The following MRS2 variants were observed in gnomAD, a reference collection of about 807,000 sequenced individuals.
The protein encoded by MRS2 is magnesium transporter MRS2 homolog, mitochondrial.
In MRS2, 40 loss-of-function variants were observed where a neutral mutation model predicts 52.6. The ratio of observed to expected loss-of-function variants is 0.76; its 90% confidence interval spans 0.59 to 0.99. The LOEUF (loss-of-function observed/expected upper bound fraction) is 0.99. MRS2 is among the 50% of genes least tolerant of loss of function. The pLI is 0.00. For synonymous variants in MRS2, 193 were observed against 195.9 expected (o/e 0.98, Z 0.13); for missense variants, 472 against 532.7 (o/e 0.89, Z 1.12).
intron 9 of MRS2, among the ~76,000 whole-genome samples, chr6:24,420,483 G>GT (rs1049454429): frequency 2.6e-5 from 4 of 152,092 alleles, no homozygotes; most frequent in African/African-American, 7.2e-5. Flanking sequence ...TCACAAATAC[G>GT]TTTTTTTATT....
chr6:24,411,666 G>A (rs1281721015), intron 4 of MRS2, among the ~76,000 whole-genome samples: 2 of 152,158 alleles, frequency 1.3e-5, no homozygotes, highest in Non-Finnish European at 1.5e-5. Context: ...AGCCTCTGAA[G>A]TAGCTGGGAC....
chr6:24,418,625 A>G (rs202118441), intron 9 of MRS2, 47 bp downstream of exon 9: 1 of 1,403,568 alleles, frequency 7.1e-7, no homozygotes, highest in South Asian at 1.2e-5. Context: ...TTGGCCGGGC[A>G]TGGTGGCTCA....
chr6:24,412,163 A>G (rs1240254152), intron 4 of MRS2, 59 bp from the exon 5 acceptor site: 2 of 970,488 alleles, frequency 2.1e-6, no homozygotes, highest in African/African-American at 1.7e-5. Flanking sequence ...ATGTATATAC[A>G]TGCATGTGTG....
intron 3 of MRS2, 107 bp from the exon 4 acceptor site, chr6:24,409,354 G>C (rs1033783703): frequency 2.6e-5 from 15 of 575,404 alleles, no homozygotes; most frequent in African/African-American, 1.9e-4. Flanking sequence ...TTTGTTTCTG[G>C]TAGTAACCAA....
chr6:24,415,431 T>C (rs1761816845), intron 6 of MRS2, among the ~76,000 whole-genome samples: 2 of 152,184 alleles, frequency 1.3e-5, no homozygotes, highest in Non-Finnish European at 2.9e-5. Flanking sequence ...GAGGTTTGAG[T>C]AACTTGCCTA....
At chr6:24,411,121 T>C (rs1272156256) in intron 4 of MRS2, among the ~76,000 whole-genome samples, 1 of 148,930 alleles carries the variant, frequency 6.7e-6, no homozygotes, top group African/African-American at 2.5e-5. Flanking sequence ...ACCCTGAAGG[T>C]GGAGGTTGCA....
intron 7 of MRS2, 66 bp downstream of exon 7, chr6:24,416,579 AG>A (rs1273222189): frequency 1.2e-6 from 1 of 859,460 alleles, no homozygotes; most frequent in Admixed American, 2.3e-5. Context: ...TTCCACTTCA[AG>A]GTGATTTTTC....
intron 3 of MRS2, among the ~76,000 whole-genome samples, chr6:24,408,789 T>C (rs1761559175): frequency 6.6e-6 from 1 of 152,208 alleles, no homozygotes; most frequent in Non-Finnish European, 1.5e-5. Context: ...CCCTCATTCA[T>C]TCTCCTGAAG....
chr6:24,404,552 T>G (rs1013924597), intron 1 of MRS2, among the ~76,000 whole-genome samples: 1 of 152,200 alleles, frequency 6.6e-6, no homozygotes, highest in African/African-American at 2.4e-5. Context: ...TAAATGTACT[T>G]GATTATACTT....
At chr6:24,410,447 G>T (rs373786717) in intron 4 of MRS2, among the ~76,000 whole-genome samples, 1 of 152,160 alleles carries the variant, frequency 6.6e-6, no homozygotes, top group African/African-American at 2.4e-5. Flanking sequence ...GAATGGTATT[G>T]GCCCTGTAGT....
chr6:24,422,161 AAG>A (rs202008409), intron 9 of MRS2, among the ~76,000 whole-genome samples: 18,628 of 152,190 alleles, frequency 0.12, 1,462 homozygotes, highest in East Asian at 0.16. Flanking sequence ...CAACAACAAA[AAG>A]AGGAGGCAGA....
At chr6:24,415,264 C>G (rs1761808889) in intron 6 of MRS2, 101 bp downstream of exon 6, 2 of 1,262,556 alleles carry the variant, frequency 1.6e-6, no homozygotes, top group Admixed American at 2.3e-5. Flanking sequence ...ATGAAAGTAG[C>G]CTAGGTGGGA....
chr6:24,413,217 G>A (rs139540856), intron 5 of MRS2, among the ~76,000 whole-genome samples: 63 of 152,076 alleles, frequency 4.1e-4, no homozygotes, highest in African/African-American at 1.5e-3. Flanking sequence ...AGCTCATGCT[G>A]TTAGGAGAAA....
At chr6:24,421,682 T>A (rs1762046743) in intron 9 of MRS2, among the ~76,000 whole-genome samples, 2 of 152,226 alleles carry the variant, frequency 1.3e-5, no homozygotes, top group Non-Finnish European at 2.9e-5. Flanking sequence ...CCTTTACTCC[T>A]AAATGTCTTA....
rs371897465 is a variant in MRS2 at position 24,405,227 on chromosome 6, C to T, written c.250C>T (p.Pro84Ser). 7 of 1,612,484 alleles carry T rather than the reference C, an allele frequency of 4.3e-6. No individual in the cohort carries two copies. In the African/African-American group the frequency reaches 5.3e-5, roughly 12 times the overall value. The change falls in exon 2 of 11, where the codon CCA becomes TCA. Residue 84 changes from proline (P) to serine (S), a missense_variant. Pro to Ser is a moderately conservative substitution (Grantham distance 74). Coordinates refer to ENST00000378386, the MANE Select transcript of MRS2 (RefSeq NM_020662.4). ...TCAAGCCACTTTAGCCAGTGTAGCC[C>T]CAGTATTTACTGTGGTGAGTATGTA... Reference protein sequence around the residue: ...VSQATLASVAPVFTVTKFDKQ... With the variant: ...VSQATLASVASVFTVTKFDKQ...
In MRS2 at chr6:24,425,068, C is replaced by G. The variant is rs768658525; in HGVS notation, c.*1374C>G. 4 of 152,184 alleles carry G rather than the reference C, an allele frequency of 2.6e-5. No individual in the cohort carries two copies. Among genetic ancestry groups the G allele is most frequent in the Non-Finnish European group, 5.9e-5 (4 of 68,056 alleles). The allele number at this position is 152,184 out of a possible 1,614,324, so 9.4% of individuals were successfully genotyped here. ...GCCACCACACTGTGGGTCAGGAACACGCGTCATGGTGTTCTTGTCGGAATG... is the reference window on the plus strand; with the variant it reads ...GCCACCACACTGTGGGTCAGGAACAGGCGTCATGGTGTTCTTGTCGGAATG... On this transcript the variant is annotated 3_prime_UTR_variant, in exon 11 of 11. Coordinates refer to ENST00000378386, the MANE Select transcript of MRS2 (RefSeq NM_020662.4).
Position 24,424,944 on chromosome 6 carries a change from C to T in MRS2, c.*1250C>T, listed in dbSNP as rs1762179101. 1 of 148,560 alleles carries T rather than the reference C, an allele frequency of 6.7e-6. No homozygotes were observed. The highest frequency in any genetic ancestry group is 1.5e-5 in the Non-Finnish European group (1 of 66,298). 9.2% of individuals were successfully genotyped at this position (148,560 alleles called of 1,614,324 possible). On this transcript the variant is annotated 3_prime_UTR_variant, in exon 11 of 11. Transcript: ENST00000378386. ...CGATGAAGTACAAGTAAGGTTTCCC[C>T]ACTCCTGTGTGTGGTCATGGGAAGC...
At chr6:24,418,391 A>G in intron 8 of MRS2, 70 bp from the exon 9 acceptor site, 1 of 1,596,782 alleles carries the variant, frequency 6.3e-7, no homozygotes, top group African/African-American at 1.4e-5. Flanking sequence ...TGTGGTCTGT[A>G]TAGATTTGAT....
intron 1 of MRS2, among the ~76,000 whole-genome samples, 176 bp from the exon 2 acceptor site, chr6:24,404,992 A>C (rs1452549608): frequency 1.3e-5 from 2 of 152,250 alleles, no homozygotes; most frequent in Admixed American, 6.5e-5. Flanking sequence ...TGCCAAACCT[A>C]AGATAGTCAC....
Sources: gnomAD v4.1 joint callset for allele counts (sites outside exome capture counted in the v4.1 genomes callset) on GRCh38, gnomAD v4.1.1 for gene constraint, MANE v1.5 for transcripts, NCBI Gene and HGNC (gene_info 2026-07-23, HGNC 2026-07-21) for gene names.